CPO: variants seen among roughly 807,000 people sequenced by gnomAD.
The protein encoded by CPO is metallocarboxypeptidase C.
Under a neutral mutation model 41.2 loss-of-function variants are expected in CPO, and 43 were observed. That is an observed-to-expected ratio of 1.04 (90% CI 0.82 to 1.35). The LOEUF is 1.35. CPO is among the 40% of genes most tolerant of loss of function. The pLI is 0.00. For synonymous variants in CPO, 178 were observed against 162.7 expected (o/e 1.09, Z -0.72); for missense variants, 408 against 451.7 (o/e 0.90, Z 0.88).
chr2:206,967,343 A>ATATATC lies in CPO; in HGVS notation c.778-915_778-914insCTATAT, dbSNP rs1410165953. ...CAGCTCTGAAATGCTATATATATAT[A>ATATATC]TATATATAGATATATAGATATAGAT... On this transcript the variant is annotated intron_variant, in intron 7 of 8. Transcript: ENST00000272852. 7.8e-3 allele frequency among the ~76,000 whole-genome samples: 600 copies of ATATATC among 77,100 alleles called. 3 individuals are homozygous for ATATATC. Among genetic ancestry groups the ATATATC allele is most frequent in the African/African-American group, 0.027 (571 of 20,816 alleles). 50.6% of individuals were successfully genotyped at this position (77,100 alleles called of 152,430 possible).
At chr2:206,966,261 C>A (rs1414360051) in intron 7 of CPO, among the ~76,000 whole-genome samples, 1 of 150,862 alleles carries the variant, frequency 6.6e-6, no homozygotes, top group Admixed American at 6.6e-5. Context: ...AAGCAAGGAA[C>A]CACTGGGATG....
chr2:206,940,574 C>G (rs1693009704), intron 1 of CPO, among the ~76,000 whole-genome samples: 1 of 151,900 alleles, frequency 6.6e-6, no homozygotes, highest in Admixed American at 6.6e-5. Context: ...TGTGGTCTCT[C>G]CCTACTCTTA....
At chr2:206,965,212 T>A (rs545394666) in intron 7 of CPO, among the ~76,000 whole-genome samples, 1 of 152,140 alleles carries the variant, frequency 6.6e-6, no homozygotes, top group Admixed American at 6.5e-5. Flanking sequence ...ACATAAACAG[T>A]CGTCTCCAAG....
At chr2:206,959,223 G>GT (rs1015879381) in intron 4 of CPO, among the ~76,000 whole-genome samples, 1 of 152,128 alleles carries the variant, frequency 6.6e-6, no homozygotes, top group Non-Finnish European at 1.5e-5. Context: ...TTCTTGGTCA[G>GT]TTTTTTCAGA....
rs751328465 is a variant in CPO at position 206,969,453 on chromosome 2, C to T, written c.*17C>T. Reference sequence around the variant, plus strand: ...CTTCTCTAAGTGCATTCTGCCCAGGCCTGCTCAACCCCAGTGGCATGAGTG... The same window carrying T: ...CTTCTCTAAGTGCATTCTGCCCAGGTCTGCTCAACCCCAGTGGCATGAGTG... On this transcript the variant is annotated 3_prime_UTR_variant, in exon 9 of 9. Coordinates refer to ENST00000272852, the MANE Select transcript of CPO (RefSeq NM_173077.3). 2 of 1,612,008 alleles carry T rather than the reference C, an allele frequency of 1.2e-6. No individual in the cohort carries two copies. Among genetic ancestry groups the T allele is most frequent in the African/African-American group, 1.3e-5 (1 of 74,888 alleles).
At chr2:206,958,858 C>T (rs1409474821) in intron 4 of CPO, among the ~76,000 whole-genome samples, 6 of 149,766 alleles carry the variant, frequency 4.0e-5, no homozygotes, top group African/African-American at 1.5e-4. Flanking sequence ...TCTCCTGCCT[C>T]AGCCTCTTGA....
chr2:206,958,728 GTTTT>G (rs752377148), intron 4 of CPO, among the ~76,000 whole-genome samples: 10 of 53,334 alleles, frequency 1.9e-4, no homozygotes, highest in Admixed American at 4.9e-4. Context: ...AAATTTTCTA[GTTTT>G]TTTTTTTTTT....
At chr2:206,960,642 A>C (rs1402555302) in intron 5 of CPO, among the ~76,000 whole-genome samples, 2 of 152,216 alleles carry the variant, frequency 1.3e-5, no homozygotes, top group African/African-American at 4.8e-5. Flanking sequence ...ATGTATGTAT[A>C]CTTTTGGTTG....
chr2:206,958,992 C>T (rs10195430), intron 4 of CPO, among the ~76,000 whole-genome samples: 39,466 of 151,784 alleles, frequency 0.26, 6,353 homozygotes, highest in South Asian at 0.46. Flanking sequence ...CCACCTACCT[C>T]GGTCTCCCAA....
rs1693213028 is a variant in CPO at position 206,949,667 on chromosome 2, G to T, written c.119G>T (p.Trp40Leu). The T allele has an allele frequency of 6.2e-7, 1 of 1,613,420 alleles. No homozygotes were observed. The highest frequency in any genetic ancestry group is 1.3e-5 in the African/African-American group (1 of 74,894). Reference protein sequence around the residue: ...QEIVDKSVSPWSLETYSYNIY... With the variant: ...QEIVDKSVSPLSLETYSYNIY... ...ATTGTGGACAAGTCAGTGAGTCCAT[G>T]GAGCCTGGAGACGTATTCCTATAAC... The change falls in exon 2 of 9, where the codon TGG becomes TTG. Residue 40 changes from tryptophan (W) to leucine (L), a missense_variant. By Grantham distance (61) the Trp-to-Leu change is moderately conservative. Transcript: ENST00000272852.
At chr2:206,950,060 T>C (rs1693221796) in intron 2 of CPO, among the ~76,000 whole-genome samples, 1 of 152,208 alleles carries the variant, frequency 6.6e-6, no homozygotes. Context: ...TTGCTGTTTA[T>C]ATGGGTGTGA....
chr2:206,969,126 TC>T, intron 8 of CPO, 47 bp from the exon 9 acceptor site: 1 of 1,590,720 alleles, frequency 6.3e-7, no homozygotes. Context: ...AGAAATCCAT[TC>T]TTCCAAAGTA....
chr2:206,949,800 C>CA (rs1693217007), intron 2 of CPO, 87 bp downstream of exon 2: 1 of 783,054 alleles, frequency 1.3e-6, no homozygotes, highest in Admixed American at 2.0e-5. Context: ...AATATCCATG[C>CA]ATTAGAGAGG....
intron 2 of CPO, among the ~76,000 whole-genome samples, chr2:206,952,504 G>A (rs1421412576): frequency 1.3e-5 from 2 of 152,150 alleles, no homozygotes; most frequent in African/African-American, 4.8e-5. Flanking sequence ...GCTGATGATT[G>A]TCTGAATATG....
At chr2:206,945,069 C>T (rs554817833) in intron 1 of CPO, among the ~76,000 whole-genome samples, 6 of 152,186 alleles carry the variant, frequency 3.9e-5, no homozygotes, top group Admixed American at 1.3e-4. Context: ...AGAAATTGTG[C>T]TTATTGTTAA....
intron 2 of CPO, among the ~76,000 whole-genome samples, chr2:206,952,773 C>A (rs914906069): frequency 6.6e-6 from 1 of 152,130 alleles, no homozygotes; most frequent in Non-Finnish European, 1.5e-5. Context: ...AGTCTGTTCT[C>A]ATGCTGCTGT....
intron 1 of CPO, among the ~76,000 whole-genome samples, chr2:206,941,234 CTA>C (rs1315639704): frequency 2.6e-5 from 4 of 151,532 alleles, no homozygotes; most frequent in African/African-American, 7.3e-5. Flanking sequence ...ACTTGAATGT[CTA>C]TGTTAGGTTA....
At position 206,965,203 on chromosome 2, in the gene CPO, C is replaced by A. The variant is rs575151593; in HGVS notation, c.777+2589C>A. Among the ~76,000 whole-genome samples the A allele has an allele frequency of 2.0e-5, 3 of 152,270 alleles. No homozygotes were observed. The South Asian group carries it at 6.2e-4, about 32-fold the overall frequency. ...ACAGTCTCAGGTGCTGAAGAGTTCACATAAACAGTCGTCTCCAAGACTTTT... is the reference window on the plus strand; with the variant it reads ...ACAGTCTCAGGTGCTGAAGAGTTCAAATAAACAGTCGTCTCCAAGACTTTT... On this transcript the variant is annotated intron_variant, in intron 7 of 8. Coordinates refer to ENST00000272852, the MANE Select transcript of CPO (RefSeq NM_173077.3).
Position 206,951,825 on chromosome 2 carries a change from T to C in CPO, c.165+2112T>C, listed in dbSNP as rs192742388. Among the ~76,000 whole-genome samples, 474 of 152,346 alleles carry C rather than the reference T, an allele frequency of 3.1e-3. 4 individuals carry two copies. The highest frequency in any genetic ancestry group is 8.2e-4 in the Non-Finnish European group (56 of 68,034). ...GTAAATGAAATAAACACTACTACTG[T>C]GTACTGAACAAGCAATAAATAAAGA... is the stretch of plus-strand genomic sequence containing the variant. On this transcript the variant is annotated intron_variant, in intron 2 of 8. Transcript: ENST00000272852.
Sources: allele counts gnomAD v4.1 joint callset (sites outside exome capture counted in the v4.1 genomes callset), GRCh38; gene constraint gnomAD v4.1.1; transcripts MANE v1.5; gene names NCBI Gene and HGNC (gene_info 2026-07-23, HGNC 2026-07-21).